Variants in RBFOX1 observed in about 807,000 individuals in gnomAD.
RBFOX1 encodes RNA binding protein fox-1 homolog 1.
RBFOX1 carries 8 observed loss-of-function variants against 57.7 expected under a neutral mutation model. That is an observed-to-expected ratio of 0.14 (90% CI 0.08 to 0.25). RBFOX1 has a LOEUF of 0.25. Among genes scored for constraint, RBFOX1 ranks in the 10% least tolerant of loss-of-function variants. RBFOX1 has a pLI of 1.00. For synonymous variants in RBFOX1, 326 were observed against 222.4 expected, an observed-to-expected ratio of 1.47 and a Z score of -4.15; for missense variants, 611 against 548.5, an observed-to-expected ratio of 1.11 and a Z score of -1.14.
intron 3 of RBFOX1, among the ~76,000 whole-genome samples, chr16:6,789,621 A>G (rs2082562772): frequency 1.3e-5 from 2 of 152,212 alleles, no homozygotes; most frequent in South Asian, 4.1e-4. Flanking sequence ...ATCTTTGCAT[A>G]AAAGGCATTT....
intron 4 of RBFOX1, among the ~76,000 whole-genome samples, chr16:7,288,412 C>G (rs574440032): frequency 5.3e-5 from 8 of 152,340 alleles, no homozygotes; most frequent in African/African-American, 1.9e-4. Context: ...CCCTCATTCT[C>G]AGCTTCCTTA....
At chr16:7,090,725 C>A (rs188667150) in intron 4 of RBFOX1, among the ~76,000 whole-genome samples, 21 of 152,230 alleles carry the variant, frequency 1.4e-4, no homozygotes, top group African/African-American at 4.8e-4. Context: ...GACTTCCGGG[C>A]GGTTTTGATT....
intron 4 of RBFOX1, among the ~76,000 whole-genome samples, chr16:7,344,141 T>C (rs538686900): frequency 2.1e-5 from 3 of 140,236 alleles, no homozygotes; most frequent in Non-Finnish European, 4.6e-5. Context: ...CCTAAGCTAC[T>C]CTGAACTGCA....
chr16:7,420,055 C>T (rs568375269), intron 4 of RBFOX1, among the ~76,000 whole-genome samples: 1 of 151,218 alleles, frequency 6.6e-6, no homozygotes, highest in Non-Finnish European at 1.5e-5. Context: ...TTTTCATAGC[C>T]TTTAAAGTAA....
intron 2 of RBFOX1, among the ~76,000 whole-genome samples, chr16:6,379,348 C>G (rs1281880065): frequency 2.6e-5 from 4 of 152,056 alleles, no homozygotes; most frequent in African/African-American, 7.3e-5. Flanking sequence ...GCCACACATC[C>G]CAGTTAGCCA....
At chr16:7,519,647 T>G in intron 5 of RBFOX1, 6 of 976,624 alleles carry the variant, frequency 6.1e-6, no homozygotes, top group Non-Finnish European at 7.3e-6. Context: ...TTTGGGAACC[T>G]TTTTCTGCAG....
chr16:7,408,537 C>A, intron 4 of RBFOX1, among the ~76,000 whole-genome samples: 1 of 152,176 alleles, frequency 6.6e-6, no homozygotes, highest in East Asian at 1.9e-4. Flanking sequence ...CTCTAGACTG[C>A]CCATCGATTG....
intron 3 of RBFOX1, among the ~76,000 whole-genome samples, chr16:5,858,948 C>A (rs757590838): frequency 6.6e-6 from 1 of 152,204 alleles, no homozygotes; most frequent in Non-Finnish European, 1.5e-5. Context: ...GGTCTGGTGG[C>A]TCACGCCTGT....
At chr16:5,425,345 C>T (rs1292378872) in intron 1 of RBFOX1, among the ~76,000 whole-genome samples, 5 of 152,070 alleles carry the variant, frequency 3.3e-5, no homozygotes, top group Non-Finnish European at 5.9e-5. Flanking sequence ...ACCTCATGAT[C>T]CGCCCACCTT....
chr16:7,468,460 T>G (rs2060935812), intron 4 of RBFOX1, among the ~76,000 whole-genome samples: 2 of 151,138 alleles, frequency 1.3e-5, no homozygotes, highest in South Asian at 4.2e-4. Flanking sequence ...GGAGGGTGTT[T>G]TTTTTTTTTT....
chr16:7,694,975 G>T (rs1262101566), intron 14 of RBFOX1, among the ~76,000 whole-genome samples: 1 of 152,110 alleles, frequency 6.6e-6, no homozygotes, highest in African/African-American at 2.4e-5. Context: ...TATTGATTTT[G>T]CCCCGTGACT....
intron 1 of RBFOX1, among the ~76,000 whole-genome samples, chr16:5,436,996 G>A (rs1399820734): frequency 6.6e-6 from 1 of 152,182 alleles, no homozygotes; most frequent in Non-Finnish European, 1.5e-5. Context: ...GGCAGAAAGG[G>A]CTGTTGTTTA....
chr16:7,335,886 G>A (rs2096777866), intron 4 of RBFOX1, among the ~76,000 whole-genome samples: 1 of 152,154 alleles, frequency 6.6e-6, no homozygotes, highest in Non-Finnish European at 1.5e-5. Flanking sequence ...CAGCCAGGTA[G>A]AGAATGACAG....
At chr16:7,383,616 G>T (rs931596670) in intron 4 of RBFOX1, among the ~76,000 whole-genome samples, 15 of 152,048 alleles carry the variant, frequency 9.9e-5, no homozygotes, top group African/African-American at 2.7e-4. Flanking sequence ...TTTCATATTT[G>T]AGAGCTGAGA....
At chr16:6,522,154 AGTGTGTGTGTGTGTGTGTGTGTGTGT>A (rs35360830) in intron 2 of RBFOX1, among the ~76,000 whole-genome samples, 1 of 142,762 alleles carries the variant, frequency 7.0e-6, no homozygotes, top group African/African-American at 2.6e-5. Context: ...GGGGACCCAC[AGTGTGTGTGTGTGTGTGTGTGTGTGT>A]GTGTGTGTGT....
chr16:5,526,683 T>C (rs917143591), intron 2 of RBFOX1, among the ~76,000 whole-genome samples: 1 of 152,182 alleles, frequency 6.6e-6, no homozygotes. Context: ...AGGTCTGTTA[T>C]GTTGCAGAGT....
chr16:5,319,468 C>T (rs1184140172), intron 1 of RBFOX1, among the ~76,000 whole-genome samples: 1 of 152,166 alleles, frequency 6.6e-6, no homozygotes, highest in Non-Finnish European at 1.5e-5. Flanking sequence ...GGGCTGTTTT[C>T]ATCCCTAGAA....
At chr16:7,231,076 G>A (rs953210343) in intron 4 of RBFOX1, among the ~76,000 whole-genome samples, 1 of 152,088 alleles carries the variant, frequency 6.6e-6, no homozygotes, top group Non-Finnish European at 1.5e-5. Context: ...GTATCCTCCA[G>A]AATCTACCTC....
intron 1 of RBFOX1, among the ~76,000 whole-genome samples, chr16:6,134,747 G>A (rs576208220): frequency 7.3e-5 from 11 of 151,502 alleles, no homozygotes; most frequent in Admixed American, 2.6e-4. Context: ...GTGTGATGTC[G>A]GCTCACTGCA....
Sources: gnomAD v4.1 joint callset for allele counts (sites outside exome capture counted in the v4.1 genomes callset) on GRCh38, gnomAD v4.1.1 for gene constraint, MANE v1.5 for transcripts, NCBI Gene and HGNC (gene_info 2026-07-23, HGNC 2026-07-21) for gene names.